Variants in SH3GL3 observed in about 807,000 individuals in gnomAD.
SH3GL3 encodes SH3 domain containing GRB2 like 3, endophilin A3, also known as endophilin-A3.
A neutral mutation model predicts 47.7 loss-of-function variants in SH3GL3; 33 were observed. The observed-to-expected ratio is 0.69, with a 90% CI of 0.52 to 0.92. SH3GL3 has a LOEUF of 0.92. SH3GL3 is among the 40% of genes least tolerant of loss of function. The pLI is 0.00. For missense variants in SH3GL3, 363 were observed against 417.8 expected, an observed-to-expected ratio of 0.87 and a Z score of 1.14; for synonymous variants, 155 against 148.8, an observed-to-expected ratio of 1.04 and a Z score of -0.30.
At chr15:83,524,450 G>C (rs2043333148) in intron 1 of SH3GL3, among the ~76,000 whole-genome samples, 1 of 152,142 alleles carries the variant, frequency 6.6e-6, no homozygotes, top group Non-Finnish European at 1.5e-5. Flanking sequence ...CATGCATACT[G>C]TAATGGTCAA....
chr15:83,555,856 C>T (rs1314071548), intron 1 of SH3GL3, among the ~76,000 whole-genome samples: 1 of 152,182 alleles, frequency 6.6e-6, no homozygotes, highest in Non-Finnish European at 1.5e-5. Flanking sequence ...AGGCTTCAAC[C>T]TTGTTCATCA....
chr15:83,545,318 T>C (rs1308403846), intron 1 of SH3GL3, among the ~76,000 whole-genome samples: 1 of 152,188 alleles, frequency 6.6e-6, no homozygotes, highest in Non-Finnish European at 1.5e-5. Flanking sequence ...CATTCTTCAG[T>C]TTGTCAGTTG....
At chr15:83,469,511 A>T (rs959459458) in intron 1 of SH3GL3, among the ~76,000 whole-genome samples, 4 of 152,124 alleles carry the variant, frequency 2.6e-5, no homozygotes, top group African/African-American at 9.7e-5. Flanking sequence ...TAATTGTGAT[A>T]TGTTGTAGTT....
At chr15:83,633,779 C>T in the SH3GL3 span, among the ~76,000 whole-genome samples, 4 of 152,130 alleles carry the variant, frequency 2.6e-5, no homozygotes, top group African/African-American at 9.7e-5. Context: ...ATTTCTCCCC[C>T]TAACCTAGCT....
At chr15:83,476,633 A>T (rs2041111235) in intron 1 of SH3GL3, among the ~76,000 whole-genome samples, 1 of 152,266 alleles carries the variant, frequency 6.6e-6, no homozygotes, top group African/African-American at 2.4e-5. Context: ...TGTGATAATT[A>T]CATGAAATTC....
intron 5 of SH3GL3, among the ~76,000 whole-genome samples, chr15:83,573,035 AGTTGCATGTTTTGATGC>A (rs1454008209): frequency 6.6e-6 from 1 of 152,230 alleles, no homozygotes; most frequent in Non-Finnish European, 1.5e-5. Context: ...ATCGTACCAT[AGTTGCATGTTTTGATGC>A]GTTGCCCTGG....
chr15:83,559,202 CTG>C (rs778999637), intron 1 of SH3GL3, 49 bp from the exon 2 acceptor site: 15 of 1,061,456 alleles, frequency 1.4e-5, no homozygotes, highest in South Asian at 1.3e-4. Context: ...AGGTAAAAAA[CTG>C]TGACAAGAAA....
intron 1 of SH3GL3, among the ~76,000 whole-genome samples, chr15:83,511,067 A>C (rs2042726800): frequency 6.6e-6 from 1 of 152,200 alleles, no homozygotes; most frequent in African/African-American, 2.4e-5. Flanking sequence ...GTTGCAGCAC[A>C]CCAACATGGC....
At chr15:83,629,058 C>T in the SH3GL3 span, among the ~76,000 whole-genome samples, 3 of 152,054 alleles carry the variant, frequency 2.0e-5, no homozygotes, top group Admixed American at 6.5e-5. Flanking sequence ...ATATGCAAGA[C>T]TTTTATACTG....
rs1345295277 is a variant in SH3GL3 at position 83,448,395 on chromosome 15, G to A, written c.45+817G>A. Among the ~76,000 whole-genome samples the A allele has an allele frequency of 2.0e-5, 3 of 151,346 alleles. No individual in the cohort carries two copies. Among genetic ancestry groups the A allele is most frequent in the African/African-American group, 7.3e-5 (3 of 41,060 alleles). On this transcript the variant is annotated intron_variant, in intron 1 of 8. Coordinates refer to ENST00000427482, the MANE Select transcript of SH3GL3 (RefSeq NM_003027.5). This position sits in a 1 kb window ranked among gnomAD's most constrained non-coding sequence, Gnocchi z 4.2. ...GGTGTGGGATGATAGGAGGAAAGCC[G>A]TTCTGAGCAGAGGAAACAGGAAAAC...
chr15:83,490,166 G>A (rs1044934775), intron 1 of SH3GL3, among the ~76,000 whole-genome samples: 8 of 152,098 alleles, frequency 5.3e-5, no homozygotes, highest in Non-Finnish European at 1.0e-4. Context: ...CCCCTTAGGG[G>A]TCTCCGCTCT....
intron 1 of SH3GL3, among the ~76,000 whole-genome samples, chr15:83,478,671 G>T (rs772028665): frequency 6.6e-6 from 1 of 152,152 alleles, no homozygotes. Context: ...GGCTGGAGTC[G>T]CAGCTCAGCC....
At position 83,490,639 on chromosome 15, in the gene SH3GL3, G is replaced by A. The variant is rs377703040; in HGVS notation, c.45+43061G>A. ...AGTTCAGCCTGGCACAGTATATGAC[G>A]GTGGTCACTGGCTTTCTATCTGGGC... On this transcript the variant is annotated intron_variant, in intron 1 of 8. Transcript: ENST00000427482. 91 of 788,178 alleles carry A rather than the reference G, an allele frequency of 1.2e-4. No homozygotes were observed. The East Asian group carries it at 1.7e-3, about 15-fold the overall frequency. The allele number at this position is 788,178 out of a possible 1,614,324, so 48.8% of individuals were successfully genotyped here.
intron 2 of SH3GL3, 82 bp from the exon 3 acceptor site, chr15:83,565,052 A>G: frequency 3.3e-6 from 2 of 607,088 alleles, no homozygotes; most frequent in South Asian, 2.2e-5. Flanking sequence ...AATTAAATTA[A>G]TGAAAATTCC....
intron 1 of SH3GL3, among the ~76,000 whole-genome samples, chr15:83,496,161 C>A (rs538037607): frequency 6.6e-6 from 1 of 151,952 alleles, no homozygotes; most frequent in East Asian, 1.9e-4. Flanking sequence ...GAGTTGGAGA[C>A]CAGCCTGGCC....
intron 2 of SH3GL3, among the ~76,000 whole-genome samples, chr15:83,561,685 A>T (rs2045280781): frequency 6.6e-6 from 1 of 152,166 alleles, no homozygotes; most frequent in Non-Finnish European, 1.5e-5. Context: ...GAGGGAGAAA[A>T]AGGAAAAACA....
At chr15:83,559,367 T>A (rs2151742031) in intron 2 of SH3GL3, 46 bp downstream of exon 2, 1 of 1,008,900 alleles carries the variant, frequency 9.9e-7, no homozygotes, top group South Asian at 1.3e-5. Flanking sequence ...TGACTTTCAT[T>A]GTGATATGAG....
the SH3GL3 span, among the ~76,000 whole-genome samples, chr15:83,629,880 G>A: frequency 1.3e-5 from 2 of 152,118 alleles, no homozygotes; most frequent in South Asian, 2.1e-4. Context: ...AAACCTTAAA[G>A]CTTTTGGAAG....
intron 1 of SH3GL3, among the ~76,000 whole-genome samples, chr15:83,554,424 T>G (rs2044835896): frequency 6.6e-6 from 1 of 152,142 alleles, no homozygotes; most frequent in African/African-American, 2.4e-5. Flanking sequence ...TGACCTCATG[T>G]GATCCACCAC....
Sources: allele counts gnomAD v4.1 joint callset (sites outside exome capture counted in the v4.1 genomes callset), GRCh38; gene constraint gnomAD v4.1.1; non-coding constraint Gnocchi (gnomAD v3.1); transcripts MANE v1.5; gene names NCBI Gene and HGNC (gene_info 2026-07-23, HGNC 2026-07-21).